Variants in HDAC4 observed in about 807,000 individuals in gnomAD.
The protein encoded by HDAC4 is histone deacetylase A.
Under a neutral mutation model 135.1 loss-of-function variants are expected in HDAC4, and 16 were observed. The ratio of observed to expected loss-of-function variants is 0.12; its 90% CI spans 0.08 to 0.18. The LOEUF is 0.18. HDAC4 is among the 10% of genes least tolerant of loss of function. The pLI is 1.00. For missense variants in HDAC4, 1,143 were observed against 1,511.8 expected (o/e 0.76, Z 4.05); for synonymous variants, 685 against 653.4 (o/e 1.05, Z -0.74).
chr2:239,092,172 G>A (rs2036578919), intron 17 of HDAC4, among the ~76,000 whole-genome samples: 1 of 151,788 alleles, frequency 6.6e-6, no homozygotes, highest in African/African-American at 2.4e-5. Context: ...CCAGGAGGTC[G>A]AGGCTGCAGT....
At chr2:239,209,383 G>A (rs2046242210) in intron 3 of HDAC4, among the ~76,000 whole-genome samples, 1 of 152,154 alleles carries the variant, frequency 6.6e-6, no homozygotes, top group Non-Finnish European at 1.5e-5. Context: ...TCCCAAAGAG[G>A]GTAGATGCAG....
rs1290776990 is a variant in HDAC4 at position 239,189,968 on chromosome 2, C to T, written c.204G>A (p.Glu68=). The change falls in exon 4 of 27, where the codon GAG becomes GAA. Residue 68 remains glutamate (E), a synonymous_variant. Coordinates refer to ENST00000543185, the MANE Select transcript of HDAC4 (RefSeq NM_001378414.1). Reference sequence around the variant, plus strand: ...CCAGGAGCTCCTGCTGCAGCTGCTGCTCCCGCAGGGCCGGCTCTGCCACAG... The same window carrying T: ...CCAGGAGCTCCTGCTGCAGCTGCTGTTCCCGCAGGGCCGGCTCTGCCACAG... ...SLPVAEPALR[E]QQLQQELLAL... 2 of 1,608,554 alleles carry T rather than the reference C, an allele frequency of 1.2e-6. No individual in the cohort carries two copies. The highest frequency in any genetic ancestry group is 1.7e-6 in the Non-Finnish European group (2 of 1,179,930).
At chr2:239,189,792 C>A (rs374959970) in intron 4 of HDAC4, 41 bp downstream of exon 4, 7 of 1,576,706 alleles carry the variant, frequency 4.4e-6, no homozygotes, top group African/African-American at 2.7e-5. Flanking sequence ...GTTGAGGGTG[C>A]CGGAGGCCTG....
At chr2:239,094,085 C>G in intron 17 of HDAC4, 1 of 985,404 alleles carries the variant, frequency 1.0e-6, no homozygotes, top group Non-Finnish European at 1.2e-6. Flanking sequence ...ATTACACACA[C>G]ACTGCACCGT....
chr2:239,364,171 A>G (rs1479728106), intron 1 of HDAC4, among the ~76,000 whole-genome samples: 1 of 152,216 alleles, frequency 6.6e-6, no homozygotes, highest in African/African-American at 2.4e-5. Context: ...CTACAGCCAC[A>G]CAAGTGCCAT....
At chr2:239,330,465 C>T (rs907381634) in intron 2 of HDAC4, among the ~76,000 whole-genome samples, 4 of 152,212 alleles carry the variant, frequency 2.6e-5, no homozygotes, top group African/African-American at 9.6e-5. Context: ...TCACCAAGGA[C>T]ACCTGAACTC....
rs1370447834 is a variant in HDAC4, at chr2:239,102,805, C to T, written c.2204G>A (p.Arg735Gln). ...AAGTTTCTTACTGTCCAGTTTCTGCCGGTTGAGGGGGTTCGTGCCATACAG... is the reference window on the plus strand; with the variant it reads ...AAGTTTCTTACTGTCCAGTTTCTGCTGGTTGAGGGGGTTCGTGCCATACAG... ...TLLYGTNPLNRQKLDSKKLLG... is the reference protein window; with the variant it reads ...TLLYGTNPLNQQKLDSKKLLG... Residue 735 changes from arginine (R) to glutamine (Q), a missense_variant, in exon 16 of 27, where the codon CGG (arginine) becomes CAG (glutamine). Physicochemically the swap from Arg to Gln is conservative, Grantham distance 43. This residue lies in a region of HDAC4 where 47 missense variants were observed against 117.2 expected (regional missense o/e 0.40). Transcript: ENST00000543185. 12 of 1,613,764 alleles carry T rather than the reference C, an allele frequency of 7.4e-6. No individual in the cohort carries two copies. Among genetic ancestry groups the T allele is most frequent in the South Asian group, 2.2e-5 (2 of 91,078 alleles).
chr2:239,083,024 G>T (rs1394876321), intron 20 of HDAC4, among the ~76,000 whole-genome samples: 1 of 152,276 alleles, frequency 6.6e-6, no homozygotes, highest in Non-Finnish European at 1.5e-5. Context: ...CGGAAGGGCA[G>T]CTACAGGTGA....
chr2:239,262,162 G>A lies in HDAC4; in HGVS notation c.23-25498C>T, dbSNP rs1009114085. Among the ~76,000 whole-genome samples the A allele has an allele frequency of 6.6e-5, 10 of 152,178 alleles. No homozygotes were observed. The highest frequency in any genetic ancestry group is 1.4e-4 in the African/African-American group (6 of 41,438). On this transcript the variant is annotated intron_variant, in intron 2 of 26. Transcript: ENST00000543185. This position sits in a 1 kb window ranked among gnomAD's most constrained non-coding sequence, Gnocchi z 4.1. ...ACCCCAAGGCCCAAGAAGGAGCCAC[G>A]GTCCACTGAGACCCACGACAAGGTA... is the stretch of plus-strand genomic sequence containing the variant.
At chr2:239,169,548 A>C (rs917103672) in intron 5 of HDAC4, among the ~76,000 whole-genome samples, 1 of 152,266 alleles carries the variant, frequency 6.6e-6, no homozygotes, top group African/African-American at 2.4e-5. Flanking sequence ...TCACACGTGA[A>C]GCCAGAGGGC....
intron 2 of HDAC4, among the ~76,000 whole-genome samples, chr2:239,339,824 C>A (rs74933865): frequency 0.017 from 2,626 of 152,306 alleles, 44 homozygotes; most frequent in East Asian, 0.091. Flanking sequence ...AAGAAACACC[C>A]TCCCCACATG....
At chr2:239,118,921 G>A (rs1445793400) in intron 12 of HDAC4, among the ~76,000 whole-genome samples, 1 of 152,214 alleles carries the variant, frequency 6.6e-6, no homozygotes, top group Non-Finnish European at 1.5e-5. Context: ...CCTGCACACT[G>A]AGAGCCTGAG....
intron 2 of HDAC4, among the ~76,000 whole-genome samples, chr2:239,295,167 C>T (rs1013032827): frequency 6.6e-6 from 1 of 150,818 alleles, no homozygotes; most frequent in East Asian, 1.9e-4. Context: ...ATTAGCCAGG[C>T]GTAGTGGCGG....
intron 2 of HDAC4, among the ~76,000 whole-genome samples, chr2:239,344,187 G>A (rs1033384310): frequency 7.2e-5 from 11 of 152,158 alleles, no homozygotes; most frequent in South Asian, 2.1e-4. Context: ...TGCCCCCACT[G>A]CCGGGTGCCT....
chr2:239,304,937 A>G (rs1019002909), intron 2 of HDAC4, among the ~76,000 whole-genome samples: 21 of 152,224 alleles, frequency 1.4e-4, no homozygotes, highest in African/African-American at 4.3e-4. Flanking sequence ...GGCCCAGCAG[A>G]GAACACAGTT....
chr2:239,324,687 C>T (rs1348477227), intron 2 of HDAC4, among the ~76,000 whole-genome samples: 1 of 152,202 alleles, frequency 6.6e-6, no homozygotes, highest in African/African-American at 2.4e-5. Flanking sequence ...ACCCACGCTG[C>T]AGAAAGCCTG....
rs139294585 is a variant in HDAC4, at chr2:239,111,530, C to T, written c.1974G>A (p.Thr658=). 395 of 1,612,002 alleles carry T rather than the reference C, an allele frequency of 2.5e-4. 3 individuals carry two copies. The South Asian group carries it at 3.7e-3, about 15-fold the overall frequency. The change falls in exon 14 of 27, where the codon ACG becomes ACA. Residue 658 remains threonine, a synonymous_variant. Transcript: ENST00000543185. The stretch of plus-strand genomic sequence containing the variant: ...TGCACAAAGGCCACGTGTTACCTGT[C>T]GTGAACCTCGGCTTGGTGGGGGGCT... ...VQEPPTKPRF[T]TGLVYDTLML...
chr2:239,082,602 C>G (rs2035451455), intron 20 of HDAC4, among the ~76,000 whole-genome samples: 1 of 152,258 alleles, frequency 6.6e-6, no homozygotes, highest in Non-Finnish European at 1.5e-5. Flanking sequence ...AAGTGAGCCA[C>G]TTCCTCAGCC....
intron 2 of HDAC4, among the ~76,000 whole-genome samples, chr2:239,317,068 A>G (rs2053141327): frequency 6.6e-6 from 1 of 152,202 alleles, no homozygotes; most frequent in Non-Finnish European, 1.5e-5. Context: ...TAGACCCGGT[A>G]TCTGGACCAT....
Sources: allele counts gnomAD v4.1 joint callset (sites outside exome capture counted in the v4.1 genomes callset), GRCh38; gene constraint gnomAD v4.1.1; regional missense constraint gnomAD v4.1.1; non-coding constraint Gnocchi (gnomAD v3.1); transcripts MANE v1.5; gene names NCBI Gene and HGNC (gene_info 2026-07-23, HGNC 2026-07-21).